Variants in RSPH3 observed in about 807,000 individuals in gnomAD.
RSPH3 encodes radial spoke head protein 3 homolog.
A neutral mutation model predicts 43.8 loss-of-function variants in RSPH3; 21 were observed. The observed-to-expected ratio is 0.48, with a 90% CI of 0.34 to 0.69. The LOEUF (loss-of-function observed/expected upper bound fraction) is 0.69. Ranked by LOEUF, RSPH3 falls within the 30% of genes least tolerant of loss-of-function variation. The probability of loss-of-function intolerance (pLI) is 0.01; values close to 1 mark genes in which losing one functional copy is unlikely to be tolerated. For synonymous variants in RSPH3, 173 were observed against 179.8 expected (o/e 0.96, Z 0.30); for missense variants, 487 against 516.0 (o/e 0.94, Z 0.54).
At chr6:158,983,543 G>T in intron 4 of RSPH3, 119 bp downstream of exon 4, 1 of 793,208 alleles carries the variant, frequency 1.3e-6, no homozygotes, top group Non-Finnish European at 2.2e-6. Context: ...TATCTGGAAA[G>T]AAATCCAAGA....
In RSPH3 at chr6:158,973,097, A is replaced by G. The variant is rs1189445841; in HGVS notation, c.*4441T>C. 4 of 152,362 alleles carry G rather than the reference A, an allele frequency of 2.6e-5. No individual in the cohort carries two copies. The highest frequency in any genetic ancestry group is 2.6e-4 in the Admixed American group (4 of 15,310). 9.4% of individuals were successfully genotyped at this position (152,362 alleles called of 1,614,324 possible). A position where few individuals can be genotyped will look rare whatever the true frequency, so the allele number is the denominator to read the frequency against. ...AGGCATTACGGTTAAGAAATAACAG[A>G]TGCTAATTAGTTAGTGGGGAAGTGA... On this transcript the variant is annotated 3_prime_UTR_variant, in exon 8 of 8. Transcript: ENST00000367069.
At chr6:158,981,852 C>T (rs1298914803) in intron 5 of RSPH3, among the ~76,000 whole-genome samples, 1 of 152,162 alleles carries the variant, frequency 6.6e-6, no homozygotes, top group Non-Finnish European at 1.5e-5. Flanking sequence ...CAAAGGCTGA[C>T]AGTTATTGCC....
the RSPH3 span, among the ~76,000 whole-genome samples, chr6:158,965,413 T>TA: frequency 6.6e-6 from 1 of 152,282 alleles, no homozygotes; most frequent in African/African-American, 2.4e-5. Context: ...CCAACATGAA[T>TA]ATGTAATGTC....
chr6:158,974,634 T>G lies in RSPH3; in HGVS notation c.*2904A>C, dbSNP rs1464502078. 1 of 152,196 alleles carries G rather than the reference T, an allele frequency of 6.6e-6. No individual in the cohort carries two copies. 9.4% of individuals were successfully genotyped at this position (152,196 alleles called of 1,614,324 possible). On this transcript the variant is annotated 3_prime_UTR_variant, in exon 8 of 8. Coordinates refer to ENST00000367069, the MANE Select transcript of RSPH3 (RefSeq NM_031924.8). ...CGACAATGCCCTAACCTCTCAATTATTTTGATTTCTCTCTAGGATGGACTA... is the reference window on the plus strand; with the variant it reads ...CGACAATGCCCTAACCTCTCAATTAGTTTGATTTCTCTCTAGGATGGACTA...
In RSPH3 at chr6:158,999,839, C is replaced by G; in HGVS notation, c.-289G>C. ...GCGGGAACTCCGGGCAGTTCCGGTC[C>G]CCAGGTTTCCCGGGAAGGACTGCGG... On this transcript the variant is annotated 5_prime_UTR_variant, in exon 1 of 8. Transcript: ENST00000367069. 6.2e-7 allele frequency: 1 copy of G among 1,613,882 alleles called. No homozygotes were observed. Among genetic ancestry groups the G allele is most frequent in the Non-Finnish European group, 8.5e-7 (1 of 1,179,926 alleles).
intron 1 of RSPH3, among the ~76,000 whole-genome samples, chr6:158,994,804 C>T (rs920228540): frequency 5.3e-5 from 8 of 152,282 alleles, no homozygotes; most frequent in African/African-American, 1.9e-4. Flanking sequence ...CATTGCCCTA[C>T]ACCAATAACA....
At chr6:158,985,837 G>C (rs1221430298) in intron 3 of RSPH3, among the ~76,000 whole-genome samples, 1 of 145,078 alleles carries the variant, frequency 6.9e-6, no homozygotes, top group African/African-American at 2.6e-5. Flanking sequence ...TTTTGAGATG[G>C]ACTTTTGCTT....
At chr6:158,969,793 T>G (rs1028408759), downstream of RSPH3, among the ~76,000 whole-genome samples, 7 of 152,226 alleles carry the variant, frequency 4.6e-5, no homozygotes, top group African/African-American at 1.4e-4. Context: ...ATTAAGGCCC[T>G]GAAGAAAATT....
Position 158,999,729 on chromosome 6 carries a change from G to A in RSPH3, c.-179C>T, listed in dbSNP as rs1778789624. The A allele has an allele frequency of 6.2e-7, 1 of 1,612,044 alleles. No homozygotes were observed. The highest frequency in any genetic ancestry group is 1.1e-5 in the South Asian group (1 of 90,928). On this transcript the variant is annotated 5_prime_UTR_variant, in exon 1 of 8. Transcript: ENST00000367069. ...GAGGTTACCAGCGCAGGAGGTGGGA[G>A]CTATACTGGGCTCGCTCCCAGCACC...
In RSPH3 at chr6:158,989,701, T is replaced by A. The variant is rs1354624648; in HGVS notation, c.205-3280A>T. 6.6e-6 allele frequency among the ~76,000 whole-genome samples: 1 copy of A among 151,710 alleles called. No homozygotes were observed. The highest frequency in any genetic ancestry group is 1.5e-5 in the Non-Finnish European group (1 of 67,926). ...AGGAACTCATGATGCTTCTGGTGGG[T>A]TGAATTTCCTGCCAGGAAACCCAAC... On this transcript the variant is annotated intron_variant, in intron 2 of 7. Coordinates refer to ENST00000367069, the MANE Select transcript of RSPH3 (RefSeq NM_031924.8). The surrounding 1 kb of genome is among the most constrained non-coding windows in gnomAD (Gnocchi z 4.3).
At position 158,977,205 on chromosome 6, in the gene RSPH3, T is replaced by C; in HGVS notation, c.*333A>G. On this transcript the variant is annotated 3_prime_UTR_variant, in exon 8 of 8. Transcript: ENST00000367069. ...CACTGATATTGAACATTAAATATCA[T>C]ACTTACTAAAAAAAACTAACCCGCA... 4.1e-6 allele frequency: 1 copy of C among 245,418 alleles called. No individual in the cohort carries two copies. Among genetic ancestry groups the C allele is most frequent in the Non-Finnish European group, 7.8e-6 (1 of 128,576 alleles). The allele number at this position is 245,418 out of a possible 1,614,324, so 15.2% of individuals were successfully genotyped here.
At chr6:158,996,483 C>T (rs1299184336) in intron 1 of RSPH3, among the ~76,000 whole-genome samples, 2 of 152,148 alleles carry the variant, frequency 1.3e-5, no homozygotes, top group Non-Finnish European at 2.9e-5. Flanking sequence ...TCAGATACTC[C>T]CATTTCTGTA....
At chr6:158,981,037 T>C (rs1351421796) in intron 5 of RSPH3, 101 bp from the exon 6 acceptor site, 5 of 1,158,044 alleles carry the variant, frequency 4.3e-6, no homozygotes, top group African/African-American at 1.5e-5. Context: ...TATCAAAAAA[T>C]GGACAGCGAG....
intron 1 of RSPH3, among the ~76,000 whole-genome samples, chr6:158,997,450 C>T (rs1778632923): frequency 6.6e-6 from 1 of 151,778 alleles, no homozygotes; most frequent in Non-Finnish European, 1.5e-5. Context: ...CTCCTGAACA[C>T]TTAAAAAATA....
At chr6:158,992,586 G>T in intron 2 of RSPH3, among the ~76,000 whole-genome samples, 1 of 151,334 alleles carries the variant, frequency 6.6e-6, no homozygotes, top group East Asian at 2.0e-4. Flanking sequence ...GAGCCACCAC[G>T]CCTGGCCTCT....
chr6:158,999,283 G>A, intron 1 of RSPH3, 152 bp downstream of exon 1: 1 of 648,062 alleles, frequency 1.5e-6, no homozygotes, highest in Non-Finnish European at 2.4e-6. Flanking sequence ...TCCACACCAC[G>A]GGAGATTCCT....
chr6:158,987,701 A>G (rs1161423579), intron 2 of RSPH3, among the ~76,000 whole-genome samples: 1 of 152,240 alleles, frequency 6.6e-6, no homozygotes, highest in Non-Finnish European at 1.5e-5. Context: ...ATGACAACTT[A>G]TCTTAGATCA....
intron 2 of RSPH3, among the ~76,000 whole-genome samples, chr6:158,988,636 C>T (rs1583716678): frequency 6.6e-6 from 1 of 152,136 alleles, no homozygotes; most frequent in Non-Finnish European, 1.5e-5. Context: ...TTCATGTTCA[C>T]TGATCCTTTC....
the RSPH3 span, among the ~76,000 whole-genome samples, chr6:158,964,408 A>G: frequency 6.6e-6 from 1 of 152,186 alleles, no homozygotes; most frequent in Non-Finnish European, 1.5e-5. Context: ...TAGGACCTGG[A>G]GTCCAGATGT....
Sources: allele counts gnomAD v4.1 joint callset (sites outside exome capture counted in the v4.1 genomes callset), GRCh38; gene constraint gnomAD v4.1.1; non-coding constraint Gnocchi (gnomAD v3.1); transcripts MANE v1.5; gene names NCBI Gene and HGNC (gene_info 2026-07-23, HGNC 2026-07-21).